Variants in EXOC4 observed in about 807,000 individuals in gnomAD.
EXOC4 encodes SEC8-like 1.
EXOC4 carries 71 observed loss-of-function variants against 107.2 expected under a neutral mutation model. The ratio of observed to expected loss-of-function variants is 0.66; its 90% confidence interval spans 0.55 to 0.81. The LOEUF (loss-of-function observed/expected upper bound fraction) is 0.81. Among genes scored for constraint, EXOC4 ranks in the 30% least tolerant of loss-of-function variants. EXOC4 has a pLI of 0.00. For synonymous variants in EXOC4, 456 were observed against 441.2 expected (o/e 1.03, Z -0.42); for missense variants, 1,108 against 1,189.6 (o/e 0.93, Z 1.01).
At chr7:133,829,449 G>T (rs1246382579) in intron 11 of EXOC4, among the ~76,000 whole-genome samples, 2 of 152,212 alleles carry the variant, frequency 1.3e-5, no homozygotes, top group Non-Finnish European at 2.9e-5. Context: ...CTCTGAAGGG[G>T]AGACAGAAAG....
chr7:133,827,142 A>G lies in EXOC4; in HGVS notation c.1734+9598A>G, dbSNP rs1280220207. Among the ~76,000 whole-genome samples the G allele has an allele frequency of 2.0e-5, 3 of 152,246 alleles. No individual in the cohort carries two copies. In the East Asian group the frequency reaches 5.8e-4, roughly 29 times the overall value. ...TTTCCTTCACATAGTGTCATGGAAT[A>G]GGAAATTGACCAGCTCATTCTTATG... On this transcript the variant is annotated intron_variant, in intron 11 of 17. Transcript: ENST00000253861.
chr7:133,341,507 C>T (rs1032886284), intron 5 of EXOC4, among the ~76,000 whole-genome samples: 2 of 152,108 alleles, frequency 1.3e-5, no homozygotes, highest in South Asian at 2.1e-4. Context: ...GTATATTCTG[C>T]AGTTGTTGGA....
intron 13 of EXOC4, among the ~76,000 whole-genome samples, chr7:133,928,718 C>T (rs1800106571): frequency 6.6e-6 from 1 of 151,896 alleles, no homozygotes. Flanking sequence ...TATGGATAAA[C>T]CTACACAGAA....
At chr7:133,591,875 C>G (rs534322484) in intron 9 of EXOC4, among the ~76,000 whole-genome samples, 66 of 152,216 alleles carry the variant, frequency 4.3e-4, no homozygotes, top group African/African-American at 1.5e-3. Context: ...CAGGTAGATA[C>G]ACATGGAGCA....
intron 7 of EXOC4, among the ~76,000 whole-genome samples, chr7:133,441,944 A>T (rs1645334615): frequency 1.3e-5 from 2 of 152,146 alleles, no homozygotes; most frequent in Admixed American, 1.3e-4. Flanking sequence ...AGAGTTGGGG[A>T]CAGTGCATTG....
chr7:133,761,024 T>C (rs1158257525), intron 10 of EXOC4, among the ~76,000 whole-genome samples: 1 of 152,162 alleles, frequency 6.6e-6, no homozygotes, highest in Non-Finnish European at 1.5e-5. Flanking sequence ...GCAGCAAAAT[T>C]ATCATGTGTT....
chr7:133,280,660 G>A (rs1794115842), intron 2 of EXOC4, among the ~76,000 whole-genome samples: 1 of 152,112 alleles, frequency 6.6e-6, no homozygotes, highest in Non-Finnish European at 1.5e-5. Context: ...AAGGGTACAC[G>A]ATTATTCAAG....
intron 10 of EXOC4, among the ~76,000 whole-genome samples, chr7:133,686,047 C>A (rs942684796): frequency 1.3e-5 from 2 of 152,024 alleles, no homozygotes; most frequent in African/African-American, 4.8e-5. Flanking sequence ...TGATTTTATT[C>A]TTTTTCGTGG....
intron 17 of EXOC4, among the ~76,000 whole-genome samples, chr7:134,036,014 T>A (rs767391495): frequency 2.2e-4 from 33 of 152,184 alleles, no homozygotes; most frequent in Non-Finnish European, 4.6e-4. Context: ...TTCAGCAGAT[T>A]TGATTTGGTG....
intron 7 of EXOC4, among the ~76,000 whole-genome samples, chr7:133,423,760 G>A (rs1006136315): frequency 6.6e-6 from 1 of 152,148 alleles, no homozygotes; most frequent in Admixed American, 6.5e-5. Flanking sequence ...AGAGGCGCGG[G>A]TAGGGGCCAG....
At chr7:133,541,472 A>G (rs1800378277) in intron 9 of EXOC4, among the ~76,000 whole-genome samples, 1 of 152,102 alleles carries the variant, frequency 6.6e-6, no homozygotes, top group South Asian at 2.1e-4. Flanking sequence ...ACCAAGGTAT[A>G]TTTGTTTTTA....
At chr7:133,337,858 C>G (rs1331130837) in intron 5 of EXOC4, among the ~76,000 whole-genome samples, 3 of 151,952 alleles carry the variant, frequency 2.0e-5, no homozygotes, top group Non-Finnish European at 4.4e-5. Context: ...TCTCAAACTC[C>G]TGGATTCAAG....
chr7:133,950,844 G>A (rs940060690), intron 14 of EXOC4, among the ~76,000 whole-genome samples: 20 of 152,176 alleles, frequency 1.3e-4, no homozygotes, highest in African/African-American at 4.6e-4. Flanking sequence ...TGCCTGTCAC[G>A]TCTGCTTCTA....
chr7:133,442,515 C>T lies in EXOC4; in HGVS notation c.1183-32813C>T, dbSNP rs1340661400. 1.3e-5 allele frequency among the ~76,000 whole-genome samples: 2 copies of T among 152,256 alleles called. 1 individual carries two copies. Among genetic ancestry groups the T allele is most frequent in the Middle Eastern group, 6.8e-3 (2 of 294 alleles). On this transcript the variant is annotated intron_variant, in intron 7 of 17. Transcript: ENST00000253861. ...ATGCTGTGCTTAAGGATGAAGCAGGCTGAAACACCCTCGAGGCATGAAGTG... is the reference window on the plus strand; with the variant it reads ...ATGCTGTGCTTAAGGATGAAGCAGGTTGAAACACCCTCGAGGCATGAAGTG...
intron 10 of EXOC4, among the ~76,000 whole-genome samples, chr7:133,723,472 CT>C (rs911698574): frequency 3.8e-5 from 4 of 105,628 alleles, no homozygotes; most frequent in African/African-American, 7.3e-5. Context: ...GGGAGAACAT[CT>C]TTTTTTTTCT....
chr7:133,802,729 C>T (rs1469020285), intron 10 of EXOC4, among the ~76,000 whole-genome samples: 6 of 149,510 alleles, frequency 4.0e-5, no homozygotes, highest in Non-Finnish European at 7.4e-5. Context: ...AGCCTGTAAT[C>T]CCAGCTACTT....
At chr7:133,838,369 T>A (rs1300577909) in intron 11 of EXOC4, among the ~76,000 whole-genome samples, 2 of 152,154 alleles carry the variant, frequency 1.3e-5, no homozygotes, top group Non-Finnish European at 2.9e-5. Flanking sequence ...AATAGAAATC[T>A]CTCCCCTTCA....
At chr7:133,337,637 CTTTTTTTT>C (rs10611286) in intron 5 of EXOC4, among the ~76,000 whole-genome samples, 1 of 86,152 alleles carries the variant, frequency 1.2e-5, no homozygotes, top group East Asian at 3.1e-4. Context: ...CCTTCCTTCC[CTTTTTTTT>C]TTTTTTTTTT....
At chr7:133,497,739 C>T (rs1474351896) in intron 9 of EXOC4, among the ~76,000 whole-genome samples, 1 of 152,020 alleles carries the variant, frequency 6.6e-6, no homozygotes, top group Non-Finnish European at 1.5e-5. Flanking sequence ...CAAAGTAACA[C>T]TTTGCCTCCT....
Sources: gnomAD v4.1 joint callset for allele counts (sites outside exome capture counted in the v4.1 genomes callset) on GRCh38, gnomAD v4.1.1 for gene constraint, MANE v1.5 for transcripts, NCBI Gene and HGNC (gene_info 2026-07-23, HGNC 2026-07-21) for gene names.